AKAIN1: variants seen among roughly 807,000 people sequenced by gnomAD.
AKAIN1 encodes A-kinase anchor protein inhibitor 1.
Under a neutral mutation model 3.7 loss-of-function variants are expected in AKAIN1, and 3 were observed. That is an observed-to-expected ratio of 0.82 (90% CI 0.37 to 2.12). AKAIN1 has a LOEUF of 2.12. AKAIN1 is among the 30% of genes most tolerant of loss of function. The pLI, the probability that AKAIN1 is intolerant of heterozygous loss-of-function variation, is 0.06. For missense variants in AKAIN1, 82 were observed against 82.7 expected (o/e 0.99, Z 0.03); for synonymous variants, 31 against 30.8 (o/e 1.01, Z -0.02).
At chr18:5,149,016 C>A (rs926389479) in intron 1 of AKAIN1, among the ~76,000 whole-genome samples, 2 of 152,098 alleles carry the variant, frequency 1.3e-5, no homozygotes, top group Non-Finnish European at 2.9e-5. Flanking sequence ...AGGACAAATG[C>A]GAAACCCAGG....
At chr18:5,154,676 TCTC>T (rs1280848161) in intron 1 of AKAIN1, among the ~76,000 whole-genome samples, 1 of 152,028 alleles carries the variant, frequency 6.6e-6, no homozygotes, top group African/African-American at 2.4e-5. Context: ...CCTTGTTCTA[TCTC>T]CTCCCTCGCC....
At chr18:5,172,091 A>G (rs2071200882) in intron 1 of AKAIN1, among the ~76,000 whole-genome samples, 1 of 152,208 alleles carries the variant, frequency 6.6e-6, no homozygotes, top group Non-Finnish European at 1.5e-5. Flanking sequence ...AGCCAGATGC[A>G]GAAGGACAAA....
chr18:5,162,356 A>C (rs903613480), intron 1 of AKAIN1, among the ~76,000 whole-genome samples: 11 of 152,054 alleles, frequency 7.2e-5, no homozygotes, highest in African/African-American at 2.7e-4. Flanking sequence ...GAGGAGGTAG[A>C]TAATACCTGG....
chr18:5,157,700 TA>T (rs1433273332), intron 1 of AKAIN1, among the ~76,000 whole-genome samples: 7 of 152,232 alleles, frequency 4.6e-5, no homozygotes, highest in African/African-American at 1.4e-4. Flanking sequence ...AAACTTTTTT[TA>T]AAATTATTAA....
intron 1 of AKAIN1, among the ~76,000 whole-genome samples, chr18:5,184,108 AG>A (rs1430795212): frequency 3.9e-5 from 6 of 152,090 alleles, no homozygotes; most frequent in Non-Finnish European, 7.4e-5. Flanking sequence ...GAACAAAGAG[AG>A]AGTGTTCAAC....
intron 1 of AKAIN1, among the ~76,000 whole-genome samples, chr18:5,155,201 A>G (rs1046853869): frequency 6.6e-6 from 1 of 152,098 alleles, no homozygotes; most frequent in Non-Finnish European, 1.5e-5. Flanking sequence ...CCTTTGGGAT[A>G]AGAGACCATC....
intron 1 of AKAIN1, among the ~76,000 whole-genome samples, chr18:5,179,208 C>T (rs769266724): frequency 7.9e-5 from 12 of 152,070 alleles, no homozygotes; most frequent in Non-Finnish European, 1.5e-4. Flanking sequence ...CCTGCCTTTC[C>T]ACCCTTGTGA....
chr18:5,167,040 G>T (rs1001445450), intron 1 of AKAIN1, among the ~76,000 whole-genome samples: 1 of 152,004 alleles, frequency 6.6e-6, no homozygotes, highest in Non-Finnish European at 1.5e-5. Flanking sequence ...CATTACTCAT[G>T]ATTTTTCACT....
chr18:5,172,841 G>T (rs1479088425), intron 1 of AKAIN1, among the ~76,000 whole-genome samples: 1 of 151,920 alleles, frequency 6.6e-6, no homozygotes, highest in African/African-American at 2.4e-5. Flanking sequence ...TTAGAATTCT[G>T]CCAATGAAGA....
intron 1 of AKAIN1, among the ~76,000 whole-genome samples, chr18:5,156,832 G>A (rs1317930457): frequency 1.3e-5 from 2 of 152,306 alleles, no homozygotes; most frequent in Middle Eastern, 6.8e-3. Flanking sequence ...GCAATAAAAA[G>A]CAGGCAGATG....
intron 1 of AKAIN1, among the ~76,000 whole-genome samples, chr18:5,153,619 C>A (rs867024232): frequency 6.6e-6 from 1 of 152,250 alleles, no homozygotes; most frequent in Middle Eastern, 3.4e-3. Flanking sequence ...TCATACTGCA[C>A]ACAAAAAATT....
chr18:5,185,218 G>A (rs2071280035), intron 1 of AKAIN1, among the ~76,000 whole-genome samples: 1 of 152,106 alleles, frequency 6.6e-6, no homozygotes, highest in Admixed American at 6.6e-5. Flanking sequence ...AGACTTATAT[G>A]TAAAACTTAA....
In AKAIN1 at chr18:5,143,626, A is replaced by G. The variant is rs1212860485; in HGVS notation, c.*1936T>C. ...AAGTCTCATGGTTCCAAATAATGGT[A>G]AGATCCACGTACAAAATGAGCCAAA... is the stretch of plus-strand genomic sequence containing the variant. On this transcript the variant is annotated 3_prime_UTR_variant, in exon 2 of 2. Transcript: ENST00000434239. 6.6e-6 allele frequency among the ~76,000 whole-genome samples: 1 copy of G among 152,188 alleles called. No homozygotes were observed. The highest frequency in any genetic ancestry group is 1.5e-5 in the Non-Finnish European group (1 of 68,034).
At position 5,144,262 on chromosome 18, in the gene AKAIN1, T is replaced by C. The variant is rs1260648899; in HGVS notation, c.*1300A>G. On this transcript the variant is annotated 3_prime_UTR_variant, in exon 2 of 2. Coordinates refer to ENST00000434239, the MANE Select transcript of AKAIN1 (RefSeq NM_001145194.2). ...AAGTATATCTTAATATCAGTCACAA[T>C]TTATACCCGAATACTTTGCTTTAAA... Among the ~76,000 whole-genome samples the C allele has an allele frequency of 6.6e-6, 1 of 152,222 alleles. No homozygotes were observed. The highest frequency in any genetic ancestry group is 2.4e-5 in the African/African-American group (1 of 41,452).
intron 1 of AKAIN1, among the ~76,000 whole-genome samples, chr18:5,152,010 C>G (rs2071082539): frequency 6.6e-6 from 1 of 152,182 alleles, no homozygotes. Context: ...AGATGTTAAC[C>G]AGCTAATCAG....
chr18:5,192,450 TCTTTTC>T (rs1475799559), intron 1 of AKAIN1, among the ~76,000 whole-genome samples: 21,312 of 145,972 alleles, frequency 0.15, 2,049 homozygotes, highest in East Asian at 0.2. Flanking sequence ...TCTTTCTTTT[TCTTTTC>T]TTTGGTAGAG....
chr18:5,167,123 A>G lies in AKAIN1; in HGVS notation c.17-21368T>C, dbSNP rs553329710. Among the ~76,000 whole-genome samples the G allele has an allele frequency of 7.9e-4, 121 of 152,224 alleles. 1 individual carries two copies. Among genetic ancestry groups the G allele is most frequent in the Middle Eastern group, 3.4e-3 (1 of 294 alleles). ...GATGTTAGCACCAAAACAGACACAG[A>G]TGGATAAATGGAGCAGGTTTAGAAG... is the stretch of plus-strand genomic sequence containing the variant. On this transcript the variant is annotated intron_variant, in intron 1 of 1. Transcript: ENST00000434239.
At chr18:5,154,335 T>C (rs943879616) in intron 1 of AKAIN1, among the ~76,000 whole-genome samples, 6 of 152,198 alleles carry the variant, frequency 3.9e-5, no homozygotes, top group African/African-American at 1.2e-4. Flanking sequence ...TATTTCCTTT[T>C]TCTGAGCACG....
At chr18:5,164,383 G>T (rs1016639633) in intron 1 of AKAIN1, among the ~76,000 whole-genome samples, 4 of 151,980 alleles carry the variant, frequency 2.6e-5, no homozygotes, top group African/African-American at 9.7e-5. Context: ...AGGACCACAG[G>T]TGGATTGAAG....
Sources: gnomAD v4.1 joint callset for allele counts (sites outside exome capture counted in the v4.1 genomes callset) on GRCh38, gnomAD v4.1.1 for gene constraint, MANE v1.5 for transcripts, NCBI Gene and HGNC (gene_info 2026-07-23, HGNC 2026-07-21) for gene names.